Variants in IL1RAPL2 observed in about 807,000 individuals in gnomAD.
IL1RAPL2 encodes X-linked interleukin-1 receptor accessory protein-like 2.
In IL1RAPL2, 3 loss-of-function variants were observed where a neutral mutation model predicts 44.1. That is an observed-to-expected ratio of 0.07 (90% CI 0.03 to 0.18). The LOEUF (loss-of-function observed/expected upper bound fraction) is 0.18, where lower values mean the gene tolerates loss of function less well. Among genes scored for constraint, IL1RAPL2 ranks in the 10% least tolerant of loss-of-function variants. The pLI is 1.00. For synonymous variants in IL1RAPL2, 181 were observed against 178.8 expected, an observed-to-expected ratio of 1.01 and a Z score of -0.10; for missense variants, 391 against 496.4, an observed-to-expected ratio of 0.79 and a Z score of 2.02.
intron 2 of IL1RAPL2, among the ~76,000 whole-genome samples, chrX:104,994,005 C>T (rs1165905371): frequency 9.0e-6 from 1 of 111,276 alleles, no homozygotes; most frequent in African/African-American, 3.3e-5. Context: ...ATTCTTAATC[C>T]CTCCTACCCT....
intron 5 of IL1RAPL2, among the ~76,000 whole-genome samples, chrX:105,409,887 G>T (rs2035682399): frequency 9.2e-6 from 1 of 108,573 alleles, no homozygotes; most frequent in South Asian, 4.1e-4. Context: ...GTGTGGGGGG[G>T]GGGTTGGAAA....
At chrX:105,152,968 G>T (rs1411700808) in intron 2 of IL1RAPL2, among the ~76,000 whole-genome samples, 1 of 112,461 alleles carries the variant, frequency 8.9e-6, no homozygotes, top group Non-Finnish European at 1.9e-5. Context: ...TTACCAGTCT[G>T]TGGTATTCTG....
At chrX:104,818,217 G>T (rs1489930929) in intron 2 of IL1RAPL2, among the ~76,000 whole-genome samples, 5 of 107,231 alleles carry the variant, frequency 4.7e-5, no homozygotes, top group Non-Finnish European at 9.7e-5. Flanking sequence ...AGTGGCGGGT[G>T]CCTATAGTCC....
chrX:105,349,425 A>G (rs1341117981), intron 5 of IL1RAPL2, among the ~76,000 whole-genome samples: 2 of 111,805 alleles, frequency 1.8e-5, no homozygotes, highest in Admixed American at 9.5e-5. Flanking sequence ...GAATATCATG[A>G]GGTTTTAAAC....
At chrX:105,023,885 G>C (rs752337721) in intron 2 of IL1RAPL2, among the ~76,000 whole-genome samples, 2 of 110,868 alleles carry the variant, frequency 1.8e-5, no homozygotes, top group African/African-American at 3.3e-5. Flanking sequence ...ATTTCAAAAG[G>C]GTGGTATTAT....
intron 5 of IL1RAPL2, among the ~76,000 whole-genome samples, chrX:105,359,007 G>T (rs1282076202): frequency 8.9e-6 from 1 of 112,053 alleles, no homozygotes; most frequent in East Asian, 2.8e-4. Flanking sequence ...AGGGGGCTAG[G>T]CTTTTGAATT....
At chrX:105,177,756 AATGTTT>A (rs1489689713) in intron 2 of IL1RAPL2, among the ~76,000 whole-genome samples, 1 of 112,187 alleles carries the variant, frequency 8.9e-6, no homozygotes, top group Non-Finnish European at 1.9e-5. Flanking sequence ...TTATATAAGA[AATGTTT>A]ATGTTTATAA....
intron 5 of IL1RAPL2, among the ~76,000 whole-genome samples, chrX:105,351,149 A>G (rs1289086905): frequency 8.9e-6 from 1 of 111,881 alleles, no homozygotes; most frequent in Non-Finnish European, 1.9e-5. Flanking sequence ...ATGTGGAGAA[A>G]CAGGAACACT....
chrX:104,583,873 G>A (rs1183157509), intron 1 of IL1RAPL2, among the ~76,000 whole-genome samples: 3 of 111,784 alleles, frequency 2.7e-5, no homozygotes, highest in African/African-American at 9.8e-5. Flanking sequence ...GGCACTTAAT[G>A]TTTCCTGACT....
intron 2 of IL1RAPL2, among the ~76,000 whole-genome samples, chrX:105,160,411 C>G (rs2033312815): frequency 1.8e-5 from 2 of 110,913 alleles, no homozygotes; most frequent in Admixed American, 9.7e-5. Context: ...AAATATGTTT[C>G]CTACATCCAG....
chrX:104,834,553 A>G (rs1389356775), intron 2 of IL1RAPL2, among the ~76,000 whole-genome samples: 1 of 112,246 alleles, frequency 8.9e-6, no homozygotes, highest in African/African-American at 3.2e-5. Context: ...TTTTACACAC[A>G]AACAAATGAT....
Position 104,907,815 on chromosome X carries a change from A to G in IL1RAPL2, c.82+248820A>G, listed in dbSNP as rs759295663. ...GTGGAGAGTTCTGTAGATTTCTGTT[A>G]TGTCTGCTTGGTGCAGAGCTGACTT... On this transcript the variant is annotated intron_variant, in intron 2 of 10. Transcript: ENST00000372582. Among the ~76,000 whole-genome samples, 4 of 110,738 alleles carry G rather than the reference A, an allele frequency of 3.6e-5. No homozygotes were observed. In the South Asian group the frequency reaches 1.6e-3, roughly 43 times the overall value.
At chrX:105,651,318 C>A (rs1367573419) in intron 6 of IL1RAPL2, among the ~76,000 whole-genome samples, 1 of 111,716 alleles carries the variant, frequency 9.0e-6, no homozygotes, top group Non-Finnish European at 1.9e-5. Context: ...GGAAATGACA[C>A]TATAGCAGGA....
At chrX:105,266,893 A>G (rs1355716561) in intron 4 of IL1RAPL2, among the ~76,000 whole-genome samples, 1 of 111,844 alleles carries the variant, frequency 8.9e-6, no homozygotes, top group African/African-American at 3.2e-5. Context: ...AGGAGTAATT[A>G]ATGAAACAAT....
intron 2 of IL1RAPL2, among the ~76,000 whole-genome samples, chrX:104,921,217 C>A (rs1215029198): frequency 9.0e-6 from 1 of 111,452 alleles, no homozygotes; most frequent in Non-Finnish European, 1.9e-5. Context: ...GCAGCGACAG[C>A]AAAAGCTGAC....
At chrX:105,658,919 G>A (rs2037696509) in intron 6 of IL1RAPL2, among the ~76,000 whole-genome samples, 1 of 99,845 alleles carries the variant, frequency 1.0e-5, no homozygotes, top group South Asian at 5.0e-4. Flanking sequence ...CCAAGGTCAC[G>A]CCATTGCACT....
chrX:105,752,070 C>A (rs572576406), intron 9 of IL1RAPL2, among the ~76,000 whole-genome samples: 2 of 112,083 alleles, frequency 1.8e-5, no homozygotes, highest in African/African-American at 6.5e-5. Flanking sequence ...TTTTATTTCA[C>A]CCCACCAATG....
intron 5 of IL1RAPL2, among the ~76,000 whole-genome samples, chrX:105,471,264 T>C (rs966486601): frequency 8.9e-6 from 1 of 111,998 alleles, no homozygotes; most frequent in Non-Finnish European, 1.9e-5. Flanking sequence ...TTAGGAATCA[T>C]GACCAAGGTC....
intron 6 of IL1RAPL2, among the ~76,000 whole-genome samples, chrX:105,676,994 T>G (rs1345001387): frequency 8.9e-6 from 1 of 112,202 alleles, no homozygotes; most frequent in African/African-American, 3.2e-5. Flanking sequence ...CTGTTTGCTA[T>G]GTGAAGTAAA....
Sources: allele counts gnomAD v4.1 joint callset (sites outside exome capture counted in the v4.1 genomes callset), GRCh38; gene constraint gnomAD v4.1.1; transcripts MANE v1.5; gene names NCBI Gene and HGNC (gene_info 2026-07-23, HGNC 2026-07-21).